PACS2: variants seen among roughly 807,000 people sequenced by gnomAD.
PACS2 encodes phosphofurin acidic cluster sorting protein 2.
In PACS2, 36 loss-of-function variants were observed where a neutral mutation model predicts 113.0. The observed-to-expected ratio is 0.32, with a 90% CI of 0.24 to 0.42. PACS2 has a LOEUF of 0.42. PACS2 is among the 10% of genes least tolerant of loss of function. The pLI is 1.00. For missense variants in PACS2, 1,015 were observed against 1,239.5 expected (o/e 0.82, Z 2.72); for synonymous variants, 589 against 536.1 (o/e 1.10, Z -1.36).
At chr14:105,372,367 A>G (rs999289561) in intron 8 of PACS2, 3 of 152,242 alleles carry the variant, frequency 2.0e-5, no homozygotes, top group African/African-American at 2.4e-5. Flanking sequence ...TCTTTTCGCA[A>G]AAAAACTGAG....
chr14:105,392,734 C>A lies in PACS2; in HGVS notation c.2371C>A (p.Leu791Ile). Reference sequence around the variant, plus strand: ...GGACCTGCCTGTCACCAAAAACACGCTCAAGTGCACTTTCCGGTCCCTCCA... The same window carrying A: ...GGACCTGCCTGTCACCAAAAACACGATCAAGTGCACTTTCCGGTCCCTCCA... ...KKDLPVTKNT[L>I]KCTFRSLQVS... Residue 791 changes from leucine to isoleucine, a missense_variant, in exon 23 of 25, where the codon CTC becomes ATC. Coordinates refer to ENST00000447393, the MANE Select transcript of PACS2 (RefSeq NM_001100913.3). The A allele has an allele frequency of 1.9e-6, 3 of 1,612,906 alleles. No individual in the cohort carries two copies. The highest frequency in any genetic ancestry group is 2.5e-6 in the Non-Finnish European group (3 of 1,180,014).
chr14:105,371,782 TAG>T, intron 8 of PACS2: 1 of 152,234 alleles, frequency 6.6e-6, no homozygotes, highest in Non-Finnish European at 1.5e-5. Flanking sequence ...CAAAATACTT[TAG>T]ACTGGGAAAT....
chr14:105,385,124 G>A (rs2081130852), intron 18 of PACS2, 137 bp downstream of exon 18: 8 of 653,218 alleles, frequency 1.2e-5, no homozygotes, highest in Admixed American at 2.3e-5. Context: ...GCCTGGGCCA[G>A]CTGGGCAGCT....
chr14:105,380,134 G>A lies in PACS2; in HGVS notation c.1105G>A (p.Val369Ile). 6.4e-7 allele frequency: 1 copy of A among 1,552,528 alleles called. No homozygotes were observed. Among genetic ancestry groups the A allele is most frequent in the Non-Finnish European group, 8.7e-7 (1 of 1,147,798 alleles). The change falls in exon 11 of 25, where the codon GTC becomes ATC. Residue 369 changes from valine to isoleucine, a missense_variant. By Grantham distance (29) the Val-to-Ile change is conservative. Around this residue, in one of 3 missense-constraint regions of PACS2, gnomAD observed 859 missense variants for 1,056.8 expected, o/e 0.81. Coordinates refer to ENST00000447393, the MANE Select transcript of PACS2 (RefSeq NM_001100913.3). ...SLGGRQPSDS[V>I]SDTVALGVPG... The stretch of plus-strand genomic sequence containing the variant: ...GGGAGGCAGGCAGCCGAGCGACAGT[G>A]TCTCTGACACGGTGGCCCTCGTAAG...
rs1036720206 is a variant in PACS2 at position 105,376,041 on chromosome 14, G to A, written c.802-727G>A. ...CTTCTTTATGGGGCAGCAGGTCGGA[G>A]TGGGTGCCTGCAGGGGAAATACAAG... On this transcript the variant is annotated intron_variant, in intron 8 of 24. Coordinates refer to ENST00000447393, the MANE Select transcript of PACS2 (RefSeq NM_001100913.3). This position sits in a 1 kb window ranked among gnomAD's most constrained non-coding sequence, Gnocchi z 4.7. 6.6e-6 allele frequency among the ~76,000 whole-genome samples: 1 copy of A among 152,200 alleles called. No individual in the cohort carries two copies. Among genetic ancestry groups the A allele is most frequent in the African/African-American group, 2.4e-5 (1 of 41,440 alleles).
rs1274663378 is a variant in PACS2 at position 105,357,708 on chromosome 14, G to A, written c.423+2531G>A. Among the ~76,000 whole-genome samples the A allele has an allele frequency of 6.6e-6, 1 of 152,208 alleles. No homozygotes were observed. Among genetic ancestry groups the A allele is most frequent in the African/African-American group, 2.4e-5 (1 of 41,454 alleles). Reference sequence around the variant, plus strand: ...GGCACAGACGGACACAGGTGGCAGAGGTGGGGGGCTCTCACCAGCTGGGCT... The same window carrying A: ...GGCACAGACGGACACAGGTGGCAGAAGTGGGGGGCTCTCACCAGCTGGGCT... On this transcript the variant is annotated intron_variant, in intron 4 of 24. Transcript: ENST00000447393. This position sits in a 1 kb window ranked among gnomAD's most constrained non-coding sequence, Gnocchi z 5.1.
chr14:105,382,954 C>CT, intron 15 of PACS2, 41 bp downstream of exon 15: 1 of 1,196,034 alleles, frequency 8.4e-7, no homozygotes, highest in Non-Finnish European at 1.2e-6. Flanking sequence ...CCAAGTACCC[C>CT]TCGGGGTCCC....
chr14:105,339,190 C>G (rs1231959663), intron 1 of PACS2, among the ~76,000 whole-genome samples: 2 of 152,156 alleles, frequency 1.3e-5, no homozygotes, highest in Non-Finnish European at 2.9e-5. Context: ...CACTGCCACT[C>G]AGAGCGAGAC....
In PACS2 at chr14:105,395,708, A is replaced by G. The variant is rs1223973545; in HGVS notation, c.*1036A>G. The G allele has an allele frequency of 6.6e-6, 1 of 152,366 alleles. No homozygotes were observed. Among genetic ancestry groups the G allele is most frequent in the Non-Finnish European group, 1.5e-5 (1 of 68,158 alleles). The allele number at this position is 152,366 out of a possible 1,614,324, so 9.4% of individuals were successfully genotyped here. A position where few individuals can be genotyped will look rare whatever the true frequency, so the allele number is the denominator to read the frequency against. ...GCACTTTGGAGCCGTGGGTGCAGCC[A>G]GGTACCCCGTGCAGGGCCTGGGAGG... On this transcript the variant is annotated 3_prime_UTR_variant, in exon 25 of 25. Transcript: ENST00000447393.
upstream of PACS2, among the ~76,000 whole-genome samples, chr14:105,310,778 GA>G (rs2058333938): frequency 6.6e-6 from 1 of 152,128 alleles, no homozygotes; most frequent in Admixed American, 6.5e-5. Context: ...AGGAGATAAA[GA>G]TAAGCAAAAA....
chr14:105,358,577 T>A lies in PACS2; in HGVS notation c.423+3400T>A, dbSNP rs1351921607. 6.6e-6 allele frequency among the ~76,000 whole-genome samples: 1 copy of A among 152,208 alleles called. No homozygotes were observed. Among genetic ancestry groups the A allele is most frequent in the African/African-American group, 2.4e-5 (1 of 41,450 alleles). On this transcript the variant is annotated intron_variant, in intron 4 of 24. Coordinates refer to ENST00000447393, the MANE Select transcript of PACS2 (RefSeq NM_001100913.3). The surrounding 1 kb of genome is among the most constrained non-coding windows in gnomAD (Gnocchi z 4.9). ...GGCATGCCAGCTGGTGGCCATTGTC[T>A]GAGGCTGGGGCCTGTGGGCTCCCCG...
At chr14:105,336,760 C>G in intron 1 of PACS2, 1 of 152,256 alleles carries the variant, frequency 6.6e-6, no homozygotes, top group East Asian at 1.9e-4. Context: ...AAAGCCAGTC[C>G]CTGTGCACTG....
At chr14:105,349,118 C>T (rs781951872) in intron 2 of PACS2, among the ~76,000 whole-genome samples, 1 of 151,308 alleles carries the variant, frequency 6.6e-6, no homozygotes, top group Non-Finnish European at 1.5e-5. Context: ...TGGCCCAGGC[C>T]CCGCCCCCTC....
intron 16 of PACS2, chr14:105,384,124 C>G: frequency 5.6e-6 from 3 of 531,230 alleles, no homozygotes; most frequent in Non-Finnish European, 1.0e-5. Context: ...TCCTCAGTGG[C>G]ACTCAGGGCT....
chr14:105,385,548 C>G (rs986478353), intron 18 of PACS2, 137 bp from the exon 19 acceptor site: 2 of 560,778 alleles, frequency 3.6e-6, no homozygotes, highest in Non-Finnish European at 6.2e-6. Context: ...GTGCAAGGCG[C>G]AAAGCCAGCG....
At chr14:105,316,112 C>A (rs1341855966) in intron 1 of PACS2, among the ~76,000 whole-genome samples, 1 of 152,222 alleles carries the variant, frequency 6.6e-6, no homozygotes, top group Non-Finnish European at 1.5e-5. Flanking sequence ...GACAGTGGGG[C>A]TTGCCCTCCT....
rs2081065163 is a variant in PACS2, at chr14:105,383,523, A to G, written c.1780+10A>G. Reference sequence around the variant, plus strand: ...CTGGTCATCCCACTGGGTGAGCACCACGCCGTCCACCTGGGCCTGGGCACA... The same window carrying G: ...CTGGTCATCCCACTGGGTGAGCACCGCGCCGTCCACCTGGGCCTGGGCACA... On this transcript the variant is annotated intron_variant, in intron 16 of 24. Coordinates refer to ENST00000447393, the MANE Select transcript of PACS2 (RefSeq NM_001100913.3). The G allele has an allele frequency of 6.4e-7, 1 of 1,574,436 alleles. No individual in the cohort carries two copies. Among genetic ancestry groups the G allele is most frequent in the Non-Finnish European group, 8.6e-7 (1 of 1,159,862 alleles).
chr14:105,394,238 A>C, intron 24 of PACS2: 3 of 985,188 alleles, frequency 3.0e-6, no homozygotes, highest in Non-Finnish European at 3.6e-6. Context: ...GTGGAAGTGG[A>C]TGTGGACGAG....
intron 1 of PACS2, among the ~76,000 whole-genome samples, chr14:105,306,406 C>T (rs934039211): frequency 2.0e-5 from 3 of 152,120 alleles, no homozygotes; most frequent in Non-Finnish European, 4.4e-5. Flanking sequence ...CAGGTTCAAG[C>T]GATTCTCCTG....
Sources: gnomAD v4.1 joint callset for allele counts (sites outside exome capture counted in the v4.1 genomes callset) on GRCh38, gnomAD v4.1.1 for gene constraint, gnomAD v4.1.1 regional missense constraint, Gnocchi (gnomAD v3.1) non-coding constraint, MANE v1.5 for transcripts, NCBI Gene and HGNC (gene_info 2026-07-23, HGNC 2026-07-21) for gene names.